The following MLIP variants were observed in gnomAD, a reference collection of about 807,000 sequenced individuals.
MLIP encodes the protein muscular LMNA-interacting protein.
In MLIP, 79 loss-of-function variants were observed where a neutral mutation model predicts 84.8. The ratio of observed to expected loss-of-function variants is 0.93; its 90% confidence interval spans 0.78 to 1.12. The LOEUF (loss-of-function observed/expected upper bound fraction) is 1.12, where lower values mean the gene tolerates loss of function less well. MLIP is among the 50% of genes most tolerant of loss of function. MLIP has a pLI of 0.00. For synonymous variants in MLIP, 504 were observed against 463.0 expected (o/e 1.09, Z -1.14); for missense variants, 1,257 against 1,160.6 (o/e 1.08, Z -1.21).
rs1178030474 is a variant in MLIP, at chr6:54,065,775, A to G, written c.63+46684A>G. ...GCCACCTCTGACTTTCCTAGTCAAT[A>G]CAAATTTTCATTCACTTCTCCTTGT... On this transcript the variant is annotated intron_variant, in intron 1 of 12. Transcript: ENST00000274897. Among the ~76,000 whole-genome samples the G allele has an allele frequency of 5.0e-5, 5 of 99,356 alleles. 1 individual carries two copies. Among genetic ancestry groups the G allele is most frequent in the Non-Finnish European group, 1.4e-4 (5 of 34,642 alleles). The allele number at this position is 99,356 out of a possible 152,430, so 65.2% of individuals were successfully genotyped here. A position where few individuals can be genotyped will look rare whatever the true frequency, so the allele number is the denominator to read the frequency against.
At chr6:54,120,296 A>G (rs1195272146) in intron 1 of MLIP, among the ~76,000 whole-genome samples, 3 of 151,438 alleles carry the variant, frequency 2.0e-5, no homozygotes, top group Non-Finnish European at 4.4e-5. Flanking sequence ...GTGCAGTGGC[A>G]CGATCTCGGC....
intron 4 of MLIP, among the ~76,000 whole-genome samples, chr6:54,144,034 TACC>T (rs1772562133): frequency 6.6e-6 from 1 of 152,180 alleles, no homozygotes; most frequent in African/African-American, 2.4e-5. Context: ...TCTCAGTTGC[TACC>T]TCGCCCATCT....
chr6:54,173,388 A>T (rs191599529), intron 9 of MLIP, among the ~76,000 whole-genome samples: 23 of 151,984 alleles, frequency 1.5e-4, no homozygotes, highest in African/African-American at 4.1e-4. Flanking sequence ...CCTTCAGCCT[A>T]AACTTAGAAG....
At chr6:54,265,903 T>A in intron 13 of MLIP, 47 bp from the exon 14 acceptor site, 1 of 1,573,654 alleles carries the variant, frequency 6.4e-7, no homozygotes, top group Admixed American at 1.7e-5. Flanking sequence ...TGTATATTTT[T>A]AAATTTATTC....
At chr6:54,143,162 A>G (rs1366640793) in intron 4 of MLIP, among the ~76,000 whole-genome samples, 2 of 151,314 alleles carry the variant, frequency 1.3e-5, no homozygotes, top group African/African-American at 2.4e-5. Flanking sequence ...CAGGTGTTCA[A>G]TGATTGACAA....
chr6:54,030,148 G>GT (rs1764043991), intron 1 of MLIP, among the ~76,000 whole-genome samples: 1 of 152,204 alleles, frequency 6.6e-6, no homozygotes, highest in African/African-American at 2.4e-5. Context: ...CCACTAGGAA[G>GT]TGTGCCTTGA....
intron 12 of MLIP, among the ~76,000 whole-genome samples, 190 bp downstream of exon 12, chr6:54,231,107 G>A (rs1310183030): frequency 6.6e-6 from 1 of 151,896 alleles, no homozygotes; most frequent in Non-Finnish European, 1.5e-5. Context: ...TTGAACTTGG[G>A]AAATAATAAA....
At chr6:54,175,362 C>T (rs1776180239) in intron 9 of MLIP, among the ~76,000 whole-genome samples, 1 of 151,934 alleles carries the variant, frequency 6.6e-6, no homozygotes, top group Non-Finnish European at 1.5e-5. Flanking sequence ...AATATTGATT[C>T]TTTAAATCCA....
intron 1 of MLIP, among the ~76,000 whole-genome samples, chr6:54,037,232 G>A (rs192452483): frequency 2.6e-5 from 4 of 152,080 alleles, no homozygotes; most frequent in Admixed American, 2.6e-4. Flanking sequence ...ACAACCCTAA[G>A]AAGACAGGGG....
intron 1 of MLIP, among the ~76,000 whole-genome samples, chr6:54,044,840 T>G (rs1421050760): frequency 6.6e-6 from 1 of 152,182 alleles, no homozygotes; most frequent in Non-Finnish European, 1.5e-5. Flanking sequence ...CTTGAAAATT[T>G]TATCTGAAGG....
In MLIP at chr6:54,238,133, A is replaced by AG. The variant is rs1485827107; in HGVS notation, c.2922+7216_2922+7217insG. ...TCTAGATTAAGGCCTACTGGAGTCC[A>AG]TTTTCTATTTTTAAAAATTCAGCTC... On this transcript the variant is annotated intron_variant, in intron 12 of 13. Coordinates refer to ENST00000502396, the MANE Select transcript of MLIP (RefSeq NM_001281747.2). 2.6e-5 allele frequency among the ~76,000 whole-genome samples: 4 copies of AG among 152,098 alleles called. No homozygotes were observed. The East Asian group carries it at 7.7e-4, about 29-fold the overall frequency.
Position 54,091,430 on chromosome 6 carries a change from A to G in MLIP, c.64-30017A>G, listed in dbSNP as rs1308347407. On this transcript the variant is annotated intron_variant, in intron 1 of 12. Coordinates refer to the MLIP transcript ENST00000274897. Reference sequence around the variant, plus strand: ...CTATTGAGTTATCAGCATATCCAATATAGGCATTTCACTTAATACTGTCTG... The same window carrying G: ...CTATTGAGTTATCAGCATATCCAATGTAGGCATTTCACTTAATACTGTCTG... Among the ~76,000 whole-genome samples, 3 of 152,194 alleles carry G rather than the reference A, an allele frequency of 2.0e-5. No homozygotes were observed. The East Asian group carries it at 5.8e-4, about 29-fold the overall frequency.
chr6:54,062,612 G>A (rs1246247533), intron 1 of MLIP, among the ~76,000 whole-genome samples: 1 of 152,168 alleles, frequency 6.6e-6, no homozygotes, highest in Non-Finnish European at 1.5e-5. Context: ...GAATGAAAGG[G>A]AAAGAAGAGA....
In MLIP at chr6:54,078,476, C is replaced by T. The variant is rs989191142; in HGVS notation, c.64-42971C>T. Among the ~76,000 whole-genome samples the T allele has an allele frequency of 2.6e-5, 4 of 152,016 alleles. No homozygotes were observed. The South Asian group carries it at 6.2e-4, about 24-fold the overall frequency. ...GTGCACAACTGCGGTCCCAGCTACT[C>T]GAGAGGTTGAGGTGAGCAGACTGCT... On this transcript the variant is annotated intron_variant, in intron 1 of 12. Coordinates refer to the MLIP transcript ENST00000274897.
Position 54,219,047 on chromosome 6 carries a change from C to CA in MLIP, c.2719-11658dup, listed in dbSNP as rs536346603. 2.2e-3 allele frequency among the ~76,000 whole-genome samples: 331 copies of CA among 148,466 alleles called. 4 individuals carry two copies. The South Asian group carries it at 0.023, about 10-fold the overall frequency. On this transcript the variant is annotated intron_variant, in intron 11 of 13. Coordinates refer to ENST00000502396, the MANE Select transcript of MLIP (RefSeq NM_001281747.2). ...TGAAACCCTGTCTCTACTAAAAGTA[C>CA]AAAAAAAAATTAGCCGGGCATGGTG...
intron 1 of MLIP, among the ~76,000 whole-genome samples, chr6:54,093,628 A>T (rs1269410324): frequency 6.6e-6 from 1 of 152,160 alleles, no homozygotes; most frequent in African/African-American, 2.4e-5. Flanking sequence ...TGGTGCTTAC[A>T]AAATGATTTA....
chr6:54,023,464 C>G (rs527473966), intron 1 of MLIP, among the ~76,000 whole-genome samples: 6 of 151,708 alleles, frequency 4.0e-5, no homozygotes, highest in African/African-American at 1.2e-4. Context: ...AATTTGAGAG[C>G]GAAAGACTTA....
At chr6:54,172,892 A>AAATGCAGGCTATTTT in intron 9 of MLIP, among the ~76,000 whole-genome samples, 1 of 151,714 alleles carries the variant, frequency 6.6e-6, no homozygotes, top group Non-Finnish European at 1.5e-5. Context: ...TGGTCTTCTT[A>AAATGCAGGCTATTTT]AAATGCAGGC....
rs900588212 is a variant in MLIP, at chr6:54,063,987, T to G, written c.63+44896T>G. On this transcript the variant is annotated intron_variant, in intron 1 of 12. Transcript: ENST00000274897. Reference sequence around the variant, plus strand: ...AAACAAGTTAAACCTGCTTGAGAAATTATTCTTGTTTGGATTTTTGTTGCT... The same window carrying G: ...AAACAAGTTAAACCTGCTTGAGAAAGTATTCTTGTTTGGATTTTTGTTGCT... Among the ~76,000 whole-genome samples the G allele has an allele frequency of 8.3e-5, 4 of 48,238 alleles. 1 individual carries two copies. Among genetic ancestry groups the G allele is most frequent in the African/African-American group, 1.3e-4 (4 of 30,220 alleles). 31.6% of individuals were successfully genotyped at this position (48,238 alleles called of 152,430 possible). A position where few individuals can be genotyped will look rare whatever the true frequency, so the allele number is the denominator to read the frequency against.
Sources: gnomAD v4.1 joint callset for allele counts (sites outside exome capture counted in the v4.1 genomes callset) on GRCh38, gnomAD v4.1.1 for gene constraint, MANE v1.5 for transcripts, NCBI Gene and HGNC (gene_info 2026-07-23, HGNC 2026-07-21) for gene names.